DIS3L2: variants seen among roughly 807,000 people sequenced by gnomAD.
DIS3L2 encodes the protein DIS3-like exonuclease 2.
In DIS3L2, 34 loss-of-function variants were observed where a neutral mutation model predicts 97.5. That is an observed-to-expected ratio of 0.35 (90% CI 0.27 to 0.46). The LOEUF (loss-of-function observed/expected upper bound fraction) is 0.46, where lower values mean the gene tolerates loss of function less well. Among genes scored for constraint, DIS3L2 ranks in the 20% least tolerant of loss-of-function variants. The pLI is 1.00. For synonymous variants in DIS3L2, 435 were observed against 445.2 expected, an observed-to-expected ratio of 0.98 and a Z score of 0.29; for missense variants, 1,038 against 1,146.0, an observed-to-expected ratio of 0.91 and a Z score of 1.36.
intron 1 of DIS3L2, among the ~76,000 whole-genome samples, chr2:232,005,818 A>G (rs1214185634): frequency 6.6e-6 from 1 of 152,200 alleles, no homozygotes; most frequent in African/African-American, 2.4e-5. Flanking sequence ...ATATTGAAAA[A>G]CTTATAGTAA....
At chr2:232,294,826 G>A (rs1391602980) in intron 13 of DIS3L2, among the ~76,000 whole-genome samples, 2 of 152,168 alleles carry the variant, frequency 1.3e-5, no homozygotes, top group African/African-American at 4.8e-5. Flanking sequence ...GGGCTCTTGC[G>A]AGGATTAAAT....
chr2:232,176,375 G>A (rs1261239180), intron 9 of DIS3L2, among the ~76,000 whole-genome samples: 1 of 151,744 alleles, frequency 6.6e-6, no homozygotes, highest in Admixed American at 6.6e-5. Flanking sequence ...TTAGCTCAGG[G>A]TTTGTCAATT....
intron 6 of DIS3L2, among the ~76,000 whole-genome samples, chr2:232,098,349 T>C (rs1401290600): frequency 1.4e-5 from 2 of 139,718 alleles, no homozygotes; most frequent in Admixed American, 7.4e-5. Context: ...ATTATCGAGG[T>C]TTCTAATTTT....
At chr2:232,026,366 C>G (rs1054955466) in intron 4 of DIS3L2, among the ~76,000 whole-genome samples, 3 of 152,124 alleles carry the variant, frequency 2.0e-5, no homozygotes, top group Non-Finnish European at 4.4e-5. Flanking sequence ...TGAAACATGG[C>G]TTCACCTCTG....
chr2:232,226,670 A>G (rs1692658116), intron 10 of DIS3L2, among the ~76,000 whole-genome samples: 1 of 152,156 alleles, frequency 6.6e-6, no homozygotes, highest in South Asian at 2.1e-4. Context: ...TCTATTACAA[A>G]ATACAAAAGT....
intron 8 of DIS3L2, among the ~76,000 whole-genome samples, chr2:232,142,014 G>T (rs1312130823): frequency 1.3e-5 from 2 of 152,134 alleles, no homozygotes; most frequent in Admixed American, 1.3e-4. Flanking sequence ...TTAGCAAACT[G>T]AAAAATAACT....
At chr2:232,220,769 A>G (rs1226997186) in intron 10 of DIS3L2, among the ~76,000 whole-genome samples, 2 of 152,134 alleles carry the variant, frequency 1.3e-5, no homozygotes, top group East Asian at 1.9e-4. Context: ...TTGGTAGCAG[A>G]TAGATCTTAA....
intron 1 of DIS3L2, among the ~76,000 whole-genome samples, chr2:231,996,662 A>C (rs1035082496): frequency 1.3e-5 from 2 of 152,164 alleles, no homozygotes; most frequent in Non-Finnish European, 2.9e-5. Flanking sequence ...ATTTTAAAGA[A>C]ATCCTGACAT....
intron 10 of DIS3L2, among the ~76,000 whole-genome samples, chr2:232,213,039 A>G (rs1370049221): frequency 6.6e-6 from 1 of 152,142 alleles, no homozygotes; most frequent in Non-Finnish European, 1.5e-5. Flanking sequence ...AATTCTTTGT[A>G]GGGGAGCTGA....
intron 14 of DIS3L2, among the ~76,000 whole-genome samples, chr2:232,313,995 C>G (rs1695204201): frequency 6.6e-6 from 1 of 152,240 alleles, no homozygotes; most frequent in Non-Finnish European, 1.5e-5. Flanking sequence ...TCCCACAACA[C>G]ATAGGAATTA....
chr2:231,984,788 T>G (rs1286591097), intron 1 of DIS3L2, among the ~76,000 whole-genome samples: 1 of 152,004 alleles, frequency 6.6e-6, no homozygotes. Flanking sequence ...CCCAGCTAAT[T>G]TTTTGTATTT....
intron 5 of DIS3L2, among the ~76,000 whole-genome samples, chr2:232,032,565 C>G (rs192767947): frequency 6.6e-6 from 1 of 152,220 alleles, no homozygotes; most frequent in African/African-American, 2.4e-5. Context: ...TTTAGTCATA[C>G]AGTCTTTGCC....
chr2:232,336,008 C>T, intron 20 of DIS3L2, 134 bp downstream of exon 20: 1 of 1,522,846 alleles, frequency 6.6e-7, no homozygotes, highest in Non-Finnish European at 8.8e-7. Context: ...GGTTTTAGGG[C>T]CCTCCCAGCT....
intron 14 of DIS3L2, among the ~76,000 whole-genome samples, chr2:232,317,996 A>C (rs541158344): frequency 3.9e-4 from 59 of 152,348 alleles, no homozygotes; most frequent in Admixed American, 2.7e-3. Context: ...TGTGGTTGAC[A>C]GTGCCCTACC....
chr2:232,049,909 T>A (rs1484966853), intron 5 of DIS3L2, among the ~76,000 whole-genome samples: 2 of 152,232 alleles, frequency 1.3e-5, no homozygotes, highest in African/African-American at 4.8e-5. Context: ...TCTGTAAGCG[T>A]ACACATCCTT....
At chr2:232,333,183 C>T (rs1695807671) in intron 16 of DIS3L2, among the ~76,000 whole-genome samples, 1 of 9,318 alleles carries the variant, frequency 1.1e-4, no homozygotes, top group Admixed American at 1.5e-3. Flanking sequence ...GTCGCCTCCT[C>T]CTCCTCCTCC....
At chr2:232,330,362 C>A (rs1695699935) in intron 15 of DIS3L2, among the ~76,000 whole-genome samples, 1 of 152,216 alleles carries the variant, frequency 6.6e-6, no homozygotes, top group Admixed American at 6.5e-5. Flanking sequence ...CTGCCTGGGG[C>A]AAAGCTAAGA....
rs183901077 is a variant in DIS3L2, at chr2:232,263,327, A to T, written c.1546A>T (p.Ile516Phe). The change falls in exon 13 of 21, where the codon ATT (isoleucine) becomes TTT (phenylalanine). Residue 516 changes from isoleucine to phenylalanine, a missense_variant. This residue lies in a region of DIS3L2 where 813 missense variants were observed against 880.1 expected (regional missense o/e 0.92). Transcript: ENST00000325385. The part of the protein sequence containing the change: ...EKIPAKELPP[I>F]SPEHSSEEVH... ...AATCCCTGCGAAAGAGCTGCCCCCC[A>T]TTTCCCCAGAGCATAGCAGCGAGGA... 1.2e-5 allele frequency: 19 copies of T among 1,614,010 alleles called. No homozygotes were observed. The African/African-American group carries it at 2.5e-4, about 22-fold the overall frequency.
At chr2:232,155,445 G>A (rs1249258803) in intron 8 of DIS3L2, among the ~76,000 whole-genome samples, 1 of 151,902 alleles carries the variant, frequency 6.6e-6, no homozygotes, top group Non-Finnish European at 1.5e-5. Flanking sequence ...TTTCAGAAAG[G>A]GCTTATGAGA....
Sources: gnomAD v4.1 joint callset for allele counts (sites outside exome capture counted in the v4.1 genomes callset) on GRCh38, gnomAD v4.1.1 for gene constraint, gnomAD v4.1.1 regional missense constraint, MANE v1.5 for transcripts, NCBI Gene and HGNC (gene_info 2026-07-23, HGNC 2026-07-21) for gene names.